NWD2: variants seen among roughly 807,000 people sequenced by gnomAD.
NWD2 encodes the protein NACHT and WD repeat domain containing 2, also known as NACHT and WD repeat domain-containing protein 2.
A neutral mutation model predicts 132.7 loss-of-function variants in NWD2; 37 were observed. The observed-to-expected ratio is 0.28, with a 90% confidence interval of 0.21 to 0.37. NWD2 has a LOEUF of 0.37. Among genes scored for constraint, NWD2 ranks in the 10% least tolerant of loss-of-function variants. NWD2 has a pLI of 1.00. For missense variants in NWD2, 1,592 were observed against 2,122.4 expected (o/e 0.75, Z 4.91); for synonymous variants, 705 against 803.0 (o/e 0.88, Z 2.06).
chr4:37,413,430 C>A (rs1721202269), intron 3 of NWD2, among the ~76,000 whole-genome samples: 1 of 152,218 alleles, frequency 6.6e-6, no homozygotes, highest in African/African-American at 2.4e-5. Context: ...GATACCATCT[C>A]ACACCAGTTA....
At chr4:37,384,169 A>G (rs1197682854) in intron 3 of NWD2, among the ~76,000 whole-genome samples, 1 of 152,134 alleles carries the variant, frequency 6.6e-6, no homozygotes, top group African/African-American at 2.4e-5. Flanking sequence ...TCTGGCTTTT[A>G]AACAGTTTAT....
chr4:37,358,853 T>C (rs1266410884), intron 3 of NWD2, among the ~76,000 whole-genome samples: 1 of 152,140 alleles, frequency 6.6e-6, no homozygotes, highest in African/African-American at 2.4e-5. Flanking sequence ...CCCAAAAAAG[T>C]TTTTATCAAA....
intron 1 of NWD2, among the ~76,000 whole-genome samples, chr4:37,277,500 A>G (rs1045173328): frequency 1.3e-5 from 2 of 151,588 alleles, no homozygotes; most frequent in South Asian, 2.1e-4. Context: ...TTCACTGATT[A>G]TTTTTATTCT....
rs180769653 is a variant in NWD2 at position 37,313,918 on chromosome 4, G to A, written c.152-12018G>A. Among the ~76,000 whole-genome samples the A allele has an allele frequency of 1.4e-3, 218 of 151,036 alleles. 19 individuals carry two copies. The highest frequency in any genetic ancestry group is 5.2e-3 in the African/African-American group (212 of 40,408). On this transcript the variant is annotated intron_variant, in intron 1 of 6. Transcript: ENST00000309447. ...TCACCATGTTGGCCAGGCTGGTCTC[G>A]ATCTCCTGACCTCATTATCTGCACA...
chr4:37,335,284 C>T (rs1295305812), intron 2 of NWD2, among the ~76,000 whole-genome samples: 1 of 78,742 alleles, frequency 1.3e-5, no homozygotes, highest in Non-Finnish European at 2.4e-5. Context: ...ACTGTGCCCT[C>T]TGACTGGGGG....
intron 3 of NWD2, among the ~76,000 whole-genome samples, chr4:37,378,951 G>T (rs916982992): frequency 4.6e-5 from 7 of 152,260 alleles, no homozygotes; most frequent in Non-Finnish European, 1.0e-4. Context: ...GTATTCATTT[G>T]TGTTAAGGTT....
chr4:37,275,996 C>G (rs1033541167), intron 1 of NWD2, among the ~76,000 whole-genome samples: 1 of 152,086 alleles, frequency 6.6e-6, no homozygotes, highest in Non-Finnish European at 1.5e-5. Flanking sequence ...CATAAAAACC[C>G]TAGAAGAAAA....
At chr4:37,408,250 C>CG (rs1553898194) in intron 3 of NWD2, among the ~76,000 whole-genome samples, 3 of 152,206 alleles carry the variant, frequency 2.0e-5, no homozygotes, top group South Asian at 2.1e-4. Context: ...GTCCCACCCC[C>CG]ACGGAGCCCA....
intron 1 of NWD2, among the ~76,000 whole-genome samples, chr4:37,271,516 G>T (rs1717870687): frequency 1.3e-5 from 2 of 151,770 alleles, no homozygotes; most frequent in Admixed American, 1.3e-4. Flanking sequence ...TATAAAAATA[G>T]AGTTGATGTT....
intron 2 of NWD2, among the ~76,000 whole-genome samples, chr4:37,340,797 G>A (rs1183116591): frequency 1.3e-5 from 2 of 152,204 alleles, no homozygotes; most frequent in Non-Finnish European, 2.9e-5. Context: ...TCTAAGTGCT[G>A]TGCATACATT....
At chr4:37,277,997 T>C (rs1029397932) in intron 1 of NWD2, among the ~76,000 whole-genome samples, 3 of 152,162 alleles carry the variant, frequency 2.0e-5, no homozygotes, top group Non-Finnish European at 4.4e-5. Context: ...GATGTAAGTA[T>C]TTTCTTTAAT....
chr4:37,388,696 A>AAATATATATCGTATATATCATATATC (rs1720621243), intron 3 of NWD2, among the ~76,000 whole-genome samples: 1 of 147,696 alleles, frequency 6.8e-6, no homozygotes, highest in East Asian at 1.9e-4. Context: ...TATCATATAT[A>AAATATATATCGTATATATCATATATC]AATATATGAT....
chr4:37,273,425 A>G (rs1717914677), intron 1 of NWD2, among the ~76,000 whole-genome samples: 1 of 152,146 alleles, frequency 6.6e-6, no homozygotes, highest in Non-Finnish European at 1.5e-5. Context: ...ACCCAGATTC[A>G]TAAAGCAAGT....
chr4:37,348,697 C>CAT, intron 2 of NWD2, among the ~76,000 whole-genome samples: 1 of 133,176 alleles, frequency 7.5e-6, no homozygotes, highest in South Asian at 2.4e-4. Context: ...CACACACACA[C>CAT]ACACACTTTA....
At chr4:37,245,302 C>G (rs968960657) in intron 1 of NWD2, 84 bp downstream of exon 1, 7 of 1,384,232 alleles carry the variant, frequency 5.1e-6, no homozygotes, top group Non-Finnish European at 6.7e-6. Context: ...CGCCCCACAG[C>G]CCGGTGCGCC....
chr4:37,276,566 A>G (rs1343265564), intron 1 of NWD2, among the ~76,000 whole-genome samples: 1 of 152,136 alleles, frequency 6.6e-6, no homozygotes, highest in East Asian at 1.9e-4. Flanking sequence ...TAGAAATACC[A>G]TTTGACCCAG....
chr4:37,441,710 CTG>C (rs879745249), intron 6 of NWD2, among the ~76,000 whole-genome samples: 4 of 152,222 alleles, frequency 2.6e-5, no homozygotes, highest in Non-Finnish European at 4.4e-5. Flanking sequence ...CTCCAAGAAA[CTG>C]TGCCTCTTTT....
intron 5 of NWD2, among the ~76,000 whole-genome samples, chr4:37,435,730 T>G (rs12512750): frequency 0.19 from 28,198 of 152,072 alleles, 2,959 homozygotes; most frequent in Non-Finnish European, 0.24. Flanking sequence ...AGTGAAGAAC[T>G]GTGTCCACAT....
At chr4:37,405,292 T>TA in intron 3 of NWD2, among the ~76,000 whole-genome samples, 1 of 152,168 alleles carries the variant, frequency 6.6e-6, no homozygotes, top group Non-Finnish European at 1.5e-5. Context: ...AGAGCGACTC[T>TA]AAAACCATGT....
Sources: allele counts gnomAD v4.1 joint callset (sites outside exome capture counted in the v4.1 genomes callset), GRCh38; gene constraint gnomAD v4.1.1; transcripts MANE v1.5; gene names NCBI Gene and HGNC (gene_info 2026-07-23, HGNC 2026-07-21).